PBX3: variants seen among roughly 807,000 people sequenced by gnomAD.
PBX3 encodes the protein pre-B-cell leukemia transcription factor 3.
Under a neutral mutation model 48.5 loss-of-function variants are expected in PBX3, and 14 were observed. The observed-to-expected ratio is 0.29, with a 90% CI of 0.19 to 0.45. PBX3 has a LOEUF of 0.45. Among genes scored for constraint, PBX3 ranks in the 20% least tolerant of loss-of-function variants. The probability of loss-of-function intolerance (pLI) is 1.00; values close to 1 mark genes in which losing one functional copy is unlikely to be tolerated. For synonymous variants in PBX3, 210 were observed against 200.3 expected (o/e 1.05, Z -0.41); for missense variants, 386 against 546.7 (o/e 0.71, Z 2.93).
intron 2 of PBX3, among the ~76,000 whole-genome samples, chr9:125,811,124 CAGTT>C (rs1371176283): frequency 6.6e-6 from 1 of 152,170 alleles, no homozygotes; most frequent in Admixed American, 6.5e-5. Flanking sequence ...ATACAAATCT[CAGTT>C]GGCTGATGAA....
chr9:125,830,419 A>G (rs1160515154), intron 2 of PBX3, among the ~76,000 whole-genome samples: 1 of 152,148 alleles, frequency 6.6e-6, no homozygotes, highest in Non-Finnish European at 1.5e-5. Flanking sequence ...TTAATGTTAC[A>G]TTGGTGATAG....
At chr9:125,748,704 G>C (rs1041387603) in intron 2 of PBX3, 81 bp downstream of exon 2, 2 of 1,041,484 alleles carry the variant, frequency 1.9e-6, no homozygotes, top group East Asian at 4.8e-5. Flanking sequence ...CCAGTTGAGA[G>C]CTGCTGCTTT....
chr9:125,822,995 AAAG>A (rs1381581816), intron 2 of PBX3, among the ~76,000 whole-genome samples: 1 of 152,048 alleles, frequency 6.6e-6, no homozygotes, highest in Non-Finnish European at 1.5e-5. Flanking sequence ...AAAAAAAAAA[AAAG>A]ATGTGAGTTT....
intron 1 of PBX3, 22 bp downstream of exon 1, chr9:125,747,675 A>T: frequency 6.5e-7 from 1 of 1,547,254 alleles, no homozygotes; most frequent in Non-Finnish European, 8.7e-7. Context: ...CTCATTAAGC[A>T]TCTTTTGTGT....
At chr9:125,915,547 G>A (rs1453913978) in intron 2 of PBX3, 139 bp from the exon 3 acceptor site, 4 of 643,354 alleles carry the variant, frequency 6.2e-6, no homozygotes, top group Non-Finnish European at 2.6e-6. Flanking sequence ...CCGATCAAAT[G>A]TGAACAATGA....
At chr9:125,796,484 G>T (rs1220130032) in intron 2 of PBX3, among the ~76,000 whole-genome samples, 1 of 152,140 alleles carries the variant, frequency 6.6e-6, no homozygotes, top group Non-Finnish European at 1.5e-5. Flanking sequence ...GGGGCGGGCT[G>T]TTGTATTAAA....
chr9:125,795,992 A>G (rs1250886950), intron 2 of PBX3, among the ~76,000 whole-genome samples: 1 of 152,020 alleles, frequency 6.6e-6, no homozygotes, highest in East Asian at 1.9e-4. Flanking sequence ...CATATTTTGG[A>G]GTGTATTTAG....
chr9:125,888,351 T>C (rs141372785), intron 2 of PBX3, among the ~76,000 whole-genome samples: 270 of 152,296 alleles, frequency 1.8e-3, no homozygotes, highest in African/African-American at 6.2e-3. Flanking sequence ...GACATGCAGA[T>C]GGATTTAGCT....
chr9:125,926,669 A>T (rs538541618), intron 3 of PBX3, among the ~76,000 whole-genome samples: 1 of 150,838 alleles, frequency 6.6e-6, no homozygotes, highest in South Asian at 2.1e-4. Context: ...ATACAAAAAA[A>T]ATTACCCGGG....
chr9:125,821,696 C>T (rs367912469), intron 2 of PBX3, among the ~76,000 whole-genome samples: 5 of 152,106 alleles, frequency 3.3e-5, no homozygotes, highest in African/African-American at 1.2e-4. Context: ...CTGGTGGTTC[C>T]CCTGTGAAAC....
At chr9:125,747,962 C>A (rs1417394807) in intron 1 of PBX3, among the ~76,000 whole-genome samples, 9 of 151,836 alleles carry the variant, frequency 5.9e-5, no homozygotes, top group Non-Finnish European at 1.5e-5. Flanking sequence ...CGCCCCGACC[C>A]CGTGCGGGCC....
intron 4 of PBX3, among the ~76,000 whole-genome samples, chr9:125,931,300 T>A (rs1841708535): frequency 6.6e-6 from 1 of 152,136 alleles, no homozygotes; most frequent in South Asian, 2.1e-4. Flanking sequence ...AAATAAATAA[T>A]GTCCTTAGCA....
At chr9:125,894,515 T>C (rs1242670890) in intron 2 of PBX3, among the ~76,000 whole-genome samples, 1 of 152,118 alleles carries the variant, frequency 6.6e-6, no homozygotes, top group Non-Finnish European at 1.5e-5. Flanking sequence ...GACTAGTTGC[T>C]TTTCTGAAAC....
chr9:125,921,769 C>G (rs1047868080), intron 3 of PBX3, among the ~76,000 whole-genome samples: 3 of 152,128 alleles, frequency 2.0e-5, no homozygotes, highest in Non-Finnish European at 2.9e-5. Context: ...CCGTATTCGA[C>G]TAGAGTTACT....
At chr9:125,845,579 A>G (rs1478057271) in intron 2 of PBX3, among the ~76,000 whole-genome samples, 1 of 152,112 alleles carries the variant, frequency 6.6e-6, no homozygotes, top group Non-Finnish European at 1.5e-5. Flanking sequence ...AAGGGTCAGC[A>G]TAGAATGATC....
intron 2 of PBX3, among the ~76,000 whole-genome samples, chr9:125,894,216 G>A (rs1354387931): frequency 6.6e-6 from 1 of 152,092 alleles, no homozygotes; most frequent in African/African-American, 2.4e-5. Flanking sequence ...GAATACCCAA[G>A]CCATAGAAGG....
chr9:125,751,826 C>T (rs530703039), intron 2 of PBX3, among the ~76,000 whole-genome samples: 2 of 152,172 alleles, frequency 1.3e-5, no homozygotes, highest in Admixed American at 6.5e-5. Flanking sequence ...ACCTGCATAC[C>T]TCTTTTGGTG....
intron 2 of PBX3, chr9:125,749,093 G>T (rs762451420): frequency 3.5e-4 from 55 of 158,440 alleles, no homozygotes; most frequent in Non-Finnish European, 5.7e-4. Flanking sequence ...TAGCATGCTT[G>T]AATTAGTGTT....
At chr9:125,855,284 T>G (rs192179172) in intron 2 of PBX3, among the ~76,000 whole-genome samples, 66 of 152,288 alleles carry the variant, frequency 4.3e-4, no homozygotes, top group Non-Finnish European at 8.1e-4. Flanking sequence ...AGATTGAGTT[T>G]AGGATATTTT....
Sources: allele counts gnomAD v4.1 joint callset (sites outside exome capture counted in the v4.1 genomes callset), GRCh38; gene constraint gnomAD v4.1.1; transcripts MANE v1.5; gene names NCBI Gene and HGNC (gene_info 2026-07-23, HGNC 2026-07-21).